Variants in NPNT observed in about 807,000 individuals in gnomAD.
NPNT encodes nephronectin.
Under a neutral mutation model 68.6 loss-of-function variants are expected in NPNT, and 45 were observed. The ratio of observed to expected loss-of-function variants is 0.66; its 90% CI spans 0.52 to 0.84. The LOEUF is 0.84. Ranked by LOEUF, NPNT falls within the 40% of genes least tolerant of loss-of-function variation. The pLI is 0.00. For synonymous variants in NPNT, 233 were observed against 253.3 expected, an observed-to-expected ratio of 0.92 and a Z score of 0.76; for missense variants, 672 against 714.8, an observed-to-expected ratio of 0.94 and a Z score of 0.68.
chr4:105,951,916 A>G (rs1274894121), intron 8 of NPNT, among the ~76,000 whole-genome samples: 1 of 152,152 alleles, frequency 6.6e-6, no homozygotes, highest in Non-Finnish European at 1.5e-5. Flanking sequence ...TTTGGGGCGT[A>G]TCATTAAATT....
At chr4:105,936,011 A>T (rs923149393) in intron 3 of NPNT, among the ~76,000 whole-genome samples, 1 of 152,186 alleles carries the variant, frequency 6.6e-6, no homozygotes, top group Admixed American at 6.5e-5. Context: ...CCAGACAAAC[A>T]TGTGGTCACA....
chr4:105,908,823 A>G (rs2149327679), intron 2 of NPNT, among the ~76,000 whole-genome samples: 3 of 152,296 alleles, frequency 2.0e-5, no homozygotes, highest in Admixed American at 2.0e-4. Context: ...TCAGCCTTCC[A>G]AAGTACTGGC....
At chr4:105,959,160 C>A in intron 10 of NPNT, 34 bp downstream of exon 10, 1 of 1,324,336 alleles carries the variant, frequency 7.6e-7, no homozygotes, top group Non-Finnish European at 1.1e-6. Context: ...TTCTGGTACA[C>A]ATTTCAATGT....
chr4:105,968,319 A>C (rs1251733517), intron 11 of NPNT, among the ~76,000 whole-genome samples: 1 of 152,232 alleles, frequency 6.6e-6, no homozygotes, highest in African/African-American at 2.4e-5. Context: ...AATCATTTTA[A>C]ATCATAGCAC....
chr4:105,945,763 T>C (rs558929192), intron 8 of NPNT, among the ~76,000 whole-genome samples: 2 of 152,344 alleles, frequency 1.3e-5, no homozygotes, highest in Admixed American at 1.3e-4. Context: ...ACACATACTA[T>C]ATAGTACACA....
intron 2 of NPNT, chr4:105,912,558 A>G: frequency 2.0e-5 from 20 of 987,588 alleles, no homozygotes; most frequent in Non-Finnish European, 2.4e-5. Context: ...AAATATAAAA[A>G]CAAAGTCCAC....
intron 2 of NPNT, among the ~76,000 whole-genome samples, chr4:105,911,173 T>C (rs769599292): frequency 2.0e-4 from 31 of 152,002 alleles, no homozygotes; most frequent in Non-Finnish European, 3.7e-4. Context: ...CAAGATATGG[T>C]GAGTTCTTTT....
chr4:105,901,829 T>C (rs1314055306), intron 2 of NPNT, among the ~76,000 whole-genome samples: 2 of 152,210 alleles, frequency 1.3e-5, no homozygotes, highest in Admixed American at 6.5e-5. Context: ...TAGTGAAACA[T>C]AGGGACTGAG....
intron 2 of NPNT, among the ~76,000 whole-genome samples, chr4:105,910,860 T>C (rs1371828653): frequency 6.6e-6 from 1 of 152,156 alleles, no homozygotes; most frequent in Non-Finnish European, 1.5e-5. Context: ...CAAAACTGTT[T>C]GGCTATTTGG....
rs11355483 is a variant in NPNT, at chr4:105,920,395, T to TAAA, written c.173-6919_173-6917dup. On this transcript the variant is annotated intron_variant, in intron 2 of 11. Transcript: ENST00000379987. ...GTGGGCATTGCTACTGTTACTCTAC[T>TAAA]AAAAAAAAAAAAAAAAAAAAAAAAC... is the stretch of plus-strand genomic sequence containing the variant. Among the ~76,000 whole-genome samples, 111 of 79,450 alleles carry TAAA rather than the reference T, an allele frequency of 1.4e-3. 1 individual carries two copies. The highest frequency in any genetic ancestry group is 4.8e-3 in the African/African-American group (94 of 19,504). 52.1% of individuals were successfully genotyped at this position (79,450 alleles called of 152,430 possible).
chr4:105,967,226 G>C lies in NPNT; in HGVS notation c.1384G>C (p.Gly462Arg). The C allele has an allele frequency of 6.2e-7, 1 of 1,613,930 alleles. No individual in the cohort carries two copies. ...GACAGTGTCGGCAGCCAAAGCCCCAGGGGGAAAAGCTGCACGCTTGGTGCT... is the reference window on the plus strand; with the variant it reads ...GACAGTGTCGGCAGCCAAAGCCCCACGGGGAAAAGCTGCACGCTTGGTGCT... ...YLTVSAAKAP[G>R]GKAARLVLPL... Residue 462 changes from glycine (G) to arginine (R), a missense_variant, in exon 11 of 12, where the codon GGG becomes CGG. Transcript: ENST00000379987.
At chr4:105,895,982 G>A (rs1336104967) in intron 1 of NPNT, 7 of 513,904 alleles carry the variant, frequency 1.4e-5, no homozygotes, top group African/African-American at 2.0e-5. Flanking sequence ...TCGGGAATTA[G>A]GACTGAGGGA....
chr4:105,964,164 C>G (rs888888995), intron 10 of NPNT, among the ~76,000 whole-genome samples: 5 of 152,210 alleles, frequency 3.3e-5, no homozygotes, highest in African/African-American at 4.8e-5. Context: ...AGAGTTACCA[C>G]TAAAATAGTA....
At chr4:105,905,513 G>A (rs760842159) in intron 2 of NPNT, among the ~76,000 whole-genome samples, 1 of 151,940 alleles carries the variant, frequency 6.6e-6, no homozygotes, top group East Asian at 1.9e-4. Context: ...AAGTACAAAC[G>A]GTTCTGTATC....
At chr4:105,943,403 G>A (rs1730145758) in intron 8 of NPNT, among the ~76,000 whole-genome samples, 1 of 152,100 alleles carries the variant, frequency 6.6e-6, no homozygotes, top group Admixed American at 6.6e-5. Context: ...TAAATTGGAG[G>A]GTCATGTCAG....
At chr4:105,942,046 C>T (rs963440465) in intron 7 of NPNT, among the ~76,000 whole-genome samples, 13 of 151,454 alleles carry the variant, frequency 8.6e-5, no homozygotes, top group Admixed American at 2.6e-4. Flanking sequence ...TATTTAAACA[C>T]ACCAATATAT....
intron 2 of NPNT, among the ~76,000 whole-genome samples, chr4:105,902,252 A>C (rs1303456515): frequency 6.6e-6 from 1 of 152,246 alleles, no homozygotes; most frequent in Non-Finnish European, 1.5e-5. Flanking sequence ...TTTGAAGGCC[A>C]CACATAGTGT....
intron 10 of NPNT, among the ~76,000 whole-genome samples, chr4:105,960,481 A>T (rs1731635348): frequency 1.3e-5 from 2 of 152,234 alleles, no homozygotes; most frequent in Non-Finnish European, 2.9e-5. Context: ...TTAAAAAATT[A>T]GTCCAAAAAT....
intron 1 of NPNT, among the ~76,000 whole-genome samples, chr4:105,897,560 T>C (rs1341495387): frequency 6.6e-6 from 1 of 152,342 alleles, no homozygotes; most frequent in East Asian, 1.9e-4. Flanking sequence ...TTGAGGAATC[T>C]GTTTTATTTC....
Sources: gnomAD v4.1 joint callset for allele counts (sites outside exome capture counted in the v4.1 genomes callset) on GRCh38, gnomAD v4.1.1 for gene constraint, MANE v1.5 for transcripts, NCBI Gene and HGNC (gene_info 2026-07-23, HGNC 2026-07-21) for gene names.